NUDCD3: variants seen among roughly 807,000 people sequenced by gnomAD.
NUDCD3 encodes the protein nudC domain-containing protein 3.
A neutral mutation model predicts 39.7 loss-of-function variants in NUDCD3; 13 were observed. The ratio of observed to expected loss-of-function variants is 0.33; its 90% CI spans 0.21 to 0.52. NUDCD3 has a LOEUF of 0.52. Among genes scored for constraint, NUDCD3 ranks in the 20% least tolerant of loss-of-function variants. NUDCD3 has a pLI of 0.96. For missense variants in NUDCD3, 453 were observed against 458.1 expected, an observed-to-expected ratio of 0.99 and a Z score of 0.10; for synonymous variants, 175 against 172.4, an observed-to-expected ratio of 1.02 and a Z score of -0.12.
intron 5 of NUDCD3, among the ~76,000 whole-genome samples, chr7:44,390,224 C>T (rs1213666023): frequency 2.0e-5 from 3 of 152,090 alleles, no homozygotes; most frequent in Admixed American, 6.5e-5. Flanking sequence ...ATTAGCTGGG[C>T]GTGGTGGTGT....
rs1413767245 is a variant in NUDCD3, at chr7:44,382,267, T to G, written c.*3744A>C. 6.6e-6 allele frequency: 1 copy of G among 151,926 alleles called. No homozygotes were observed. The highest frequency in any genetic ancestry group is 2.4e-5 in the African/African-American group (1 of 41,340). The allele number at this position is 151,926 out of a possible 1,614,324, so 9.4% of individuals were successfully genotyped here. On this transcript the variant is annotated 3_prime_UTR_variant, in exon 6 of 6. Coordinates refer to ENST00000355451, the MANE Select transcript of NUDCD3 (RefSeq NM_015332.4). ...CATGCTGATTACCTGGGTGACAAAATTATCTGTACACCAAACCCCTATGAT... is the reference window on the plus strand; with the variant it reads ...CATGCTGATTACCTGGGTGACAAAAGTATCTGTACACCAAACCCCTATGAT...
intron 3 of NUDCD3, among the ~76,000 whole-genome samples, chr7:44,420,102 CA>C (rs1563171179): frequency 6.6e-6 from 1 of 151,928 alleles, no homozygotes; most frequent in African/African-American, 2.4e-5. Context: ...AGAACCTTGA[CA>C]AAAGGTTACA....
At chr7:44,393,986 C>G (rs897515328) in intron 4 of NUDCD3, among the ~76,000 whole-genome samples, 1 of 152,212 alleles carries the variant, frequency 6.6e-6, no homozygotes, top group African/African-American at 2.4e-5. Context: ...CCTCCAAGCT[C>G]CTGCTGCCAA....
chr7:44,427,571 C>T lies in NUDCD3; in HGVS notation c.642G>A (p.Gln214=). The T allele has an allele frequency of 6.2e-7, 1 of 1,612,228 alleles. No individual in the cohort carries two copies. Among genetic ancestry groups the T allele is most frequent in the Non-Finnish European group, 8.5e-7 (1 of 1,179,134 alleles). The change falls in exon 3 of 6, where the codon CAG becomes CAA. Residue 214 remains glutamine (Q), a splice_region_variant and synonymous_variant. Transcript: ENST00000355451. ...PVPKHVVKGK[Q]VSVALSSSSI... is the part of the protein sequence containing the mutation. ...CACCCCTACCCGCCAAGGCCATTAC[C>T]TGCTTTCCCTTCACCACGTGCTTGG...
intron 2 of NUDCD3, among the ~76,000 whole-genome samples, chr7:44,478,950 T>C (rs961925389): frequency 1.3e-5 from 2 of 152,204 alleles, no homozygotes; most frequent in African/African-American, 2.4e-5. Context: ...AGAGGTTTAA[T>C]TGACTCGCAG....
chr7:44,441,160 T>C (rs767879879), intron 2 of NUDCD3, among the ~76,000 whole-genome samples: 21 of 152,326 alleles, frequency 1.4e-4, no homozygotes, highest in Non-Finnish European at 2.5e-4. Flanking sequence ...GGTTGTTATT[T>C]ACTGCTCCTG....
At chr7:44,442,380 T>C (rs1345909589) in intron 2 of NUDCD3, among the ~76,000 whole-genome samples, 1 of 152,194 alleles carries the variant, frequency 6.6e-6, no homozygotes, top group Non-Finnish European at 1.5e-5. Flanking sequence ...GACTGCAGAA[T>C]GCCAAAAGAA....
chr7:44,476,078 C>T (rs1239199627), intron 2 of NUDCD3, among the ~76,000 whole-genome samples: 2 of 152,084 alleles, frequency 1.3e-5, no homozygotes, highest in Admixed American at 6.5e-5. Flanking sequence ...TCTGATTAAG[C>T]CCCCGTGACT....
chr7:44,444,442 G>C (rs1195231989), intron 2 of NUDCD3, among the ~76,000 whole-genome samples: 1 of 152,050 alleles, frequency 6.6e-6, no homozygotes, highest in African/African-American at 2.4e-5. Context: ...TGGGAGACAG[G>C]GCCCAATCCC....
chr7:44,386,305 G>A (rs890877440), intron 5 of NUDCD3, among the ~76,000 whole-genome samples, 184 bp from the exon 6 acceptor site: 1 of 152,198 alleles, frequency 6.6e-6, no homozygotes, highest in African/African-American at 2.4e-5. Context: ...GGGAGGTACT[G>A]GGTGCCTGCC....
At chr7:44,423,452 T>C (rs921507769) in intron 3 of NUDCD3, among the ~76,000 whole-genome samples, 1 of 152,190 alleles carries the variant, frequency 6.6e-6, no homozygotes, top group East Asian at 1.9e-4. Context: ...AGTCTCAGGA[T>C]ACAAAATCAA....
intron 2 of NUDCD3, among the ~76,000 whole-genome samples, chr7:44,430,102 G>C (rs1023863790): frequency 3.3e-5 from 5 of 152,166 alleles, no homozygotes; most frequent in Admixed American, 1.3e-4. Context: ...AGAGTAACAG[G>C]AATCTTTCTT....
At chr7:44,458,979 T>TGTGTGTGTGTGTGG (rs1554493970) in intron 2 of NUDCD3, among the ~76,000 whole-genome samples, 1 of 129,466 alleles carries the variant, frequency 7.7e-6, no homozygotes, top group African/African-American at 3.0e-5. Flanking sequence ...TGTGTGTGTG[T>TGTGTGTGTGTGTGG]GGTGATGTGT....
At chr7:44,398,311 G>A (rs562663722) in intron 4 of NUDCD3, among the ~76,000 whole-genome samples, 1 of 152,066 alleles carries the variant, frequency 6.6e-6, no homozygotes, top group Non-Finnish European at 1.5e-5. Context: ...CTGGATTCCT[G>A]GCCTCTCTGG....
chr7:44,476,829 C>A (rs1024753999), intron 2 of NUDCD3, among the ~76,000 whole-genome samples: 4 of 152,100 alleles, frequency 2.6e-5, no homozygotes, highest in African/African-American at 9.7e-5. Context: ...AAATGAAGTG[C>A]AAACTCCAAG....
chr7:44,404,692 C>T, intron 3 of NUDCD3, 109 bp from the exon 4 acceptor site: 5 of 1,171,924 alleles, frequency 4.3e-6, no homozygotes, highest in Non-Finnish European at 6.0e-6. Flanking sequence ...CACTACAGCG[C>T]TGTCATCAGG....
intron 3 of NUDCD3, among the ~76,000 whole-genome samples, chr7:44,418,118 G>A (rs1198562313): frequency 1.3e-5 from 2 of 152,198 alleles, no homozygotes; most frequent in African/African-American, 4.8e-5. Flanking sequence ...AGGAGAGACT[G>A]CAGAGGGAGT....
At chr7:44,414,976 A>G (rs1301195968) in intron 3 of NUDCD3, among the ~76,000 whole-genome samples, 3 of 152,236 alleles carry the variant, frequency 2.0e-5, no homozygotes, top group African/African-American at 4.8e-5. Flanking sequence ...CAGTGACTGC[A>G]CCAGCCTGCA....
rs1293909750 is a variant in NUDCD3 at position 44,392,296 on chromosome 7, C to T, written c.975+1G>A. The T allele has an allele frequency of 6.2e-7, 1 of 1,613,594 alleles. No individual in the cohort carries two copies. Among genetic ancestry groups the T allele is most frequent in the South Asian group, 1.1e-5 (1 of 90,990 alleles). ...ACTCTCCAGGACTGCCATGCTCGTACCAGCTCATGGCTCTGTGGCTTGCCC... is the reference window on the plus strand; with the variant it reads ...ACTCTCCAGGACTGCCATGCTCGTATCAGCTCATGGCTCTGTGGCTTGCCC... On this transcript the variant is annotated splice_donor_variant, in intron 5 of 5. Coordinates refer to ENST00000355451, the MANE Select transcript of NUDCD3 (RefSeq NM_015332.4). LOFTEE classifies it high-confidence loss of function.
Sources: gnomAD v4.1 joint callset for allele counts (sites outside exome capture counted in the v4.1 genomes callset) on GRCh38, gnomAD v4.1.1 for gene constraint, MANE v1.5 for transcripts, NCBI Gene and HGNC (gene_info 2026-07-23, HGNC 2026-07-21) for gene names.